The following TENM1 variants were observed in gnomAD, a reference collection of about 807,000 sequenced individuals.
TENM1 encodes teneurin-1.
TENM1 carries 35 observed loss-of-function variants against 174.8 expected under a neutral mutation model. The observed-to-expected ratio is 0.20, with a 90% CI of 0.15 to 0.27. The LOEUF (loss-of-function observed/expected upper bound fraction) is 0.27. Ranked by LOEUF, TENM1 falls within the 10% of genes least tolerant of loss-of-function variation. The probability of loss-of-function intolerance (pLI) is 1.00; values close to 1 mark genes in which losing one functional copy is unlikely to be tolerated. For synonymous variants in TENM1, 781 were observed against 798.7 expected, an observed-to-expected ratio of 0.98 and a Z score of 0.37; for missense variants, 1,633 against 2,130.1, an observed-to-expected ratio of 0.77 and a Z score of 4.59.
chrX:124,624,031 C>T (rs1248580922), intron 11 of TENM1, among the ~76,000 whole-genome samples: 1 of 111,672 alleles, frequency 9.0e-6, no homozygotes, highest in Non-Finnish European at 1.9e-5. Context: ...TAATAAGTGC[C>T]AGGCTCAGGG....
At chrX:124,602,709 G>A (rs960114981) in intron 11 of TENM1, among the ~76,000 whole-genome samples, 19 of 110,096 alleles carry the variant, frequency 1.7e-4, no homozygotes, top group African/African-American at 5.9e-4. Flanking sequence ...GGTTTTAATG[G>A]TACTGGTTCT....
At chrX:124,486,511 C>T (rs1439967971) in intron 21 of TENM1, among the ~76,000 whole-genome samples, 3 of 111,936 alleles carry the variant, frequency 2.7e-5, no homozygotes, top group Non-Finnish European at 5.6e-5. Flanking sequence ...ATTAGAAACC[C>T]CATCAGTGCC....
At chrX:124,467,093 T>C (rs1331006191) in intron 22 of TENM1, among the ~76,000 whole-genome samples, 1 of 111,217 alleles carries the variant, frequency 9.0e-6, no homozygotes, top group Non-Finnish European at 1.9e-5. Context: ...ACCTTCCTTT[T>C]CCCCCAAACC....
chrX:124,587,346 G>T (rs1219703461), intron 11 of TENM1, among the ~76,000 whole-genome samples: 2 of 108,434 alleles, frequency 1.8e-5, no homozygotes, highest in Non-Finnish European at 3.8e-5. Flanking sequence ...CAGAGATATT[G>T]ACCAATGGAA....
At chrX:125,172,289 C>G in the TENM1 span, among the ~76,000 whole-genome samples, 1 of 109,314 alleles carries the variant, frequency 9.1e-6, no homozygotes, top group Non-Finnish European at 1.9e-5. Flanking sequence ...AATTCTAGAG[C>G]ATGCAATGAA....
chrX:124,516,380 A>G (rs1041566797), intron 18 of TENM1, among the ~76,000 whole-genome samples: 9 of 112,360 alleles, frequency 8.0e-5, no homozygotes, highest in South Asian at 3.7e-4. Context: ...GAGCTTATGC[A>G]CAGCAAAAGA....
chrX:125,195,263 AT>A, the TENM1 span, among the ~76,000 whole-genome samples: 1 of 111,559 alleles, frequency 9.0e-6, no homozygotes, highest in Non-Finnish European at 1.9e-5. Context: ...GTAAATGTTA[AT>A]TTTTTTCCCT....
chrX:124,974,888 C>CTATATATATATATATATATATATA, the TENM1 span, among the ~76,000 whole-genome samples: 18 of 72,721 alleles, frequency 2.5e-4, 4 homozygotes, highest in Non-Finnish European at 4.1e-4. Flanking sequence ...GGGACTGACA[C>CTATATATATATATATATATATATA]TATATATATA....
chrX:124,988,251 T>G, the TENM1 span, among the ~76,000 whole-genome samples: 1 of 111,704 alleles, frequency 9.0e-6, no homozygotes, highest in Non-Finnish European at 1.9e-5. Flanking sequence ...ATATCAGGAA[T>G]GAAAATGGAG....
At chrX:125,097,557 A>C in the TENM1 span, among the ~76,000 whole-genome samples, 5 of 112,426 alleles carry the variant, frequency 4.4e-5, no homozygotes, top group African/African-American at 1.6e-4. Context: ...CAAAAATTCT[A>C]AATACATTTC....
intron 3 of TENM1, among the ~76,000 whole-genome samples, chrX:124,889,042 T>G (rs1031520175): frequency 3.6e-5 from 4 of 112,396 alleles, no homozygotes; most frequent in African/African-American, 9.7e-5. Flanking sequence ...ACTTTTACGT[T>G]ACTAAATGGT....
At chrX:124,680,884 T>C (rs2052217822) in intron 5 of TENM1, among the ~76,000 whole-genome samples, 1 of 111,159 alleles carries the variant, frequency 9.0e-6, no homozygotes, top group Non-Finnish European at 1.9e-5. Context: ...CTACTCTCTT[T>C]CCTGGTTTGA....
chrX:124,474,703 T>C (rs1276674045), intron 22 of TENM1, among the ~76,000 whole-genome samples: 2 of 111,677 alleles, frequency 1.8e-5, no homozygotes, highest in Non-Finnish European at 3.8e-5. Flanking sequence ...GGCCGGAAGG[T>C]CCTCAAGTTC....
At chrX:124,953,233 T>G (rs1603290597) in intron 1 of TENM1, among the ~76,000 whole-genome samples, 1 of 112,157 alleles carries the variant, frequency 8.9e-6, no homozygotes, top group Non-Finnish European at 1.9e-5. Context: ...ATGCCATTTC[T>G]GAATCTTCCT....
chrX:124,645,620 T>C lies in TENM1; in HGVS notation c.1682-283A>G, dbSNP rs191480367. Among the ~76,000 whole-genome samples the C allele has an allele frequency of 3.0e-4, 34 of 112,330 alleles. 2 individuals are homozygous for C. The highest frequency in any genetic ancestry group is 2.3e-3 in the Admixed American group (24 of 10,574). ...ATTGTTATTATTTTAAGCTAGGATT[T>C]TTCTTTCTTATATTTTTCTTCCTCA... On this transcript the variant is annotated intron_variant, in intron 9 of 31. Coordinates refer to ENST00000422452, the Ensembl canonical transcript of TENM1.
intron 27 of TENM1, among the ~76,000 whole-genome samples, chrX:124,403,412 T>C (rs1367850582): frequency 9.4e-6 from 1 of 106,494 alleles, no homozygotes; most frequent in East Asian, 3.0e-4. Context: ...CCCAGCTACT[T>C]GGGAGGCTGA....
chrX:124,380,534 T>C, exon 32 of TENM1: 1 of 1,181,047 alleles, frequency 8.5e-7, no homozygotes, highest in Non-Finnish European at 1.1e-6. Flanking sequence ...GAGATATTTT[T>C]GTTACCTCCT....
chrX:125,044,614 A>T, the TENM1 span, among the ~76,000 whole-genome samples: 4 of 110,775 alleles, frequency 3.6e-5, no homozygotes, highest in Non-Finnish European at 7.6e-5. Context: ...ATAATAATAA[A>T]AAATAAATGA....
intron 23 of TENM1, among the ~76,000 whole-genome samples, chrX:124,447,915 T>A (rs1219849143): frequency 8.9e-6 from 1 of 111,842 alleles, no homozygotes. Context: ...AACTCTAATC[T>A]GTAGTTAGAC....
Sources: gnomAD v4.1 joint callset for allele counts (sites outside exome capture counted in the v4.1 genomes callset) on GRCh38, gnomAD v4.1.1 for gene constraint, MANE v1.5 for transcripts, NCBI Gene and HGNC (gene_info 2026-07-23, HGNC 2026-07-21) for gene names.